KY: variants seen among roughly 807,000 people sequenced by gnomAD.
The protein encoded by KY is kyphoscoliosis peptidase.
In KY, 43 loss-of-function variants were observed where a neutral mutation model predicts 76.1. The observed-to-expected ratio is 0.57, with a 90% confidence interval of 0.44 to 0.73. KY has a LOEUF of 0.73. Among genes scored for constraint, KY ranks in the 30% least tolerant of loss-of-function variants. The pLI, the probability that KY is intolerant of heterozygous loss-of-function variation, is 0.00. For synonymous variants in KY, 277 were observed against 326.2 expected (o/e 0.85, Z 1.63); for missense variants, 722 against 828.9 (o/e 0.87, Z 1.58).
In KY at chr3:134,600,881, T is replaced by A. The variant is rs4955534; in HGVS notation, c.*2698A>T. On this transcript the variant is annotated 3_prime_UTR_variant, in exon 11 of 11. Transcript: ENST00000423778. ...AGATGTCCTCCGTGTACACATAAGGTAGCGCTGAGAAGCCACGAGAAAGCA... is the reference window on the plus strand; with the variant it reads ...AGATGTCCTCCGTGTACACATAAGGAAGCGCTGAGAAGCCACGAGAAAGCA... 95,948 of 152,082 alleles carry A rather than the reference T, an allele frequency of 0.63. 30,766 individuals are homozygous for A. Among genetic ancestry groups the A allele is most frequent in the East Asian group, 0.87 (4,495 of 5,170 alleles). The allele number at this position is 152,082 out of a possible 1,614,324, so 9.4% of individuals were successfully genotyped here.
intron 6 of KY, among the ~76,000 whole-genome samples, chr3:134,624,746 G>A (rs773154261): frequency 1.4e-4 from 22 of 152,210 alleles, no homozygotes; most frequent in Non-Finnish European, 3.1e-4. Flanking sequence ...AATGCCAAAA[G>A]GGGCATGGAG....
chr3:134,606,951 C>T (rs1162517622), intron 10 of KY: 2 of 985,224 alleles, frequency 2.0e-6, no homozygotes, highest in African/African-American at 3.5e-5. Flanking sequence ...CTTCCCCTCC[C>T]CTCTCTTAAC....
chr3:134,644,178 A>G (rs1966149703), intron 2 of KY, among the ~76,000 whole-genome samples: 1 of 152,104 alleles, frequency 6.6e-6, no homozygotes, highest in Non-Finnish European at 1.5e-5. Flanking sequence ...CTCCTACCCC[A>G]GCCTAGGAGA....
At chr3:134,644,837 A>G (rs528028800) in intron 2 of KY, among the ~76,000 whole-genome samples, 5 of 152,284 alleles carry the variant, frequency 3.3e-5, no homozygotes, top group South Asian at 2.1e-4. Flanking sequence ...GCCTTCTCCT[A>G]TGAACAGGCC....
At chr3:134,626,041 CT>C (rs1474488919) in intron 5 of KY, among the ~76,000 whole-genome samples, 3 of 152,262 alleles carry the variant, frequency 2.0e-5, no homozygotes, top group Non-Finnish European at 4.4e-5. Flanking sequence ...CAGCAGACCC[CT>C]GTCCCGGCCC....
chr3:134,646,914 A>G (rs546103523), intron 2 of KY, among the ~76,000 whole-genome samples: 1 of 152,238 alleles, frequency 6.6e-6, no homozygotes, highest in African/African-American at 2.4e-5. Context: ...GTTACCACAG[A>G]GATCCTGGGC....
chr3:134,627,642 G>T, intron 5 of KY, 114 bp downstream of exon 5: 1 of 853,324 alleles, frequency 1.2e-6, no homozygotes, highest in Non-Finnish European at 2.0e-6. Context: ...ACCCAAAGGT[G>T]GCCCCAGCCT....
chr3:134,625,676 G>T (rs1265087224), intron 5 of KY, among the ~76,000 whole-genome samples: 2 of 152,238 alleles, frequency 1.3e-5, no homozygotes, highest in Non-Finnish European at 2.9e-5. Flanking sequence ...CCTGCAGGGC[G>T]AGGTGCGTTT....
chr3:134,623,889 C>T (rs1963048450), intron 6 of KY, among the ~76,000 whole-genome samples: 4 of 152,206 alleles, frequency 2.6e-5, no homozygotes, highest in Admixed American at 2.6e-4. Context: ...TTTGATGGCT[C>T]CAGGCCCTAT....
intron 2 of KY, among the ~76,000 whole-genome samples, chr3:134,644,718 G>A (rs576096030): frequency 6.6e-5 from 10 of 152,312 alleles, no homozygotes; most frequent in South Asian, 2.1e-4. Context: ...AGTGGTTCCC[G>A]TGCCTGGGCC....
intron 6 of KY, 50 bp from the exon 7 acceptor site, chr3:134,620,907 TG>T (rs1962498810): frequency 4.4e-6 from 5 of 1,147,336 alleles, no homozygotes; most frequent in East Asian, 2.5e-5. Flanking sequence ...GAGGGGCTGT[TG>T]GGGGCCCAGC....
intron 4 of KY, chr3:134,628,177 A>T (rs940736609): frequency 8.4e-5 from 23 of 274,622 alleles, no homozygotes; most frequent in African/African-American, 4.8e-4. Flanking sequence ...CCACTGCCAG[A>T]TAATGCCGGG....
At chr3:134,638,520 A>C (rs556036398) in intron 3 of KY, among the ~76,000 whole-genome samples, 1 of 152,280 alleles carries the variant, frequency 6.6e-6, no homozygotes, top group Admixed American at 6.5e-5. Flanking sequence ...ACCAGTTGTC[A>C]ACAAAATCAC....
chr3:134,617,286 A>G lies in KY; in HGVS notation c.710+1862T>C, dbSNP rs78625247. 3.7e-3 allele frequency among the ~76,000 whole-genome samples: 560 copies of G among 152,324 alleles called. 4 individuals are homozygous for G. Among genetic ancestry groups the G allele is most frequent in the African/African-American group, 0.012 (510 of 41,570 alleles). On this transcript the variant is annotated intron_variant, in intron 8 of 10. Coordinates refer to ENST00000423778, the MANE Select transcript of KY (RefSeq NM_178554.6). ...TCTGAAAGATGCTAGGCACAAATGG[A>G]GCTAAGAGACTTGTGGCTATTTCAT...
chr3:134,608,259 G>T (rs768482373), intron 10 of KY: 2 of 1,197,228 alleles, frequency 1.7e-6, no homozygotes, highest in East Asian at 5.7e-5. Context: ...CCAGGGTGAC[G>T]TAGTCCTTTT....
At chr3:134,642,894 C>T (rs1398015944) in intron 3 of KY, among the ~76,000 whole-genome samples, 3 of 152,156 alleles carry the variant, frequency 2.0e-5, no homozygotes, top group Non-Finnish European at 4.4e-5. Context: ...TCAGTTTACT[C>T]ATCTGTAATT....
At chr3:134,637,345 C>T (rs1285041955) in intron 3 of KY, among the ~76,000 whole-genome samples, 1 of 152,208 alleles carries the variant, frequency 6.6e-6, no homozygotes, top group Non-Finnish European at 1.5e-5. Context: ...ACTTTCTCCA[C>T]CTCAAACCCT....
intron 6 of KY, among the ~76,000 whole-genome samples, chr3:134,623,270 C>A (rs1228130187): frequency 6.6e-6 from 1 of 152,150 alleles, no homozygotes; most frequent in Non-Finnish European, 1.5e-5. Flanking sequence ...GGCCAGCAGC[C>A]TGACCCATCC....
rs900600282 is a variant in KY at position 134,627,357 on chromosome 3, C to A, written c.400+399G>T. Among the ~76,000 whole-genome samples the A allele has an allele frequency of 5.3e-5, 8 of 152,316 alleles. 2 individuals carry two copies. Among genetic ancestry groups the A allele is most frequent in the Admixed American group, 5.2e-4 (8 of 15,304 alleles). ...GCAAATGAAGGGCAAAAGCAGGATT[C>A]CAACCCAGGCTGTCTATCATCCCTC... On this transcript the variant is annotated intron_variant, in intron 5 of 10. Transcript: ENST00000423778.
Sources: gnomAD v4.1 joint callset for allele counts (sites outside exome capture counted in the v4.1 genomes callset) on GRCh38, gnomAD v4.1.1 for gene constraint, MANE v1.5 for transcripts, NCBI Gene and HGNC (gene_info 2026-07-23, HGNC 2026-07-21) for gene names.